The following USH2A variants were observed in gnomAD, a reference collection of about 807,000 sequenced individuals.
USH2A encodes Usher syndrome 2A (autosomal recessive, mild).
In USH2A, 443 loss-of-function variants were observed where a neutral mutation model predicts 538.9. The observed-to-expected ratio is 0.82, with a 90% CI of 0.76 to 0.89. The LOEUF is 0.89. Among genes scored for constraint, USH2A ranks in the 40% least tolerant of loss-of-function variants. USH2A has a pLI of 0.00. For synonymous variants in USH2A, 2,413 were observed against 2,273.5 expected (o/e 1.06, Z -1.75); for missense variants, 6,633 against 6,324.8 (o/e 1.05, Z -1.65).
At chr1:215,778,623 C>G (rs1385590807) in intron 55 of USH2A, among the ~76,000 whole-genome samples, 1 of 152,172 alleles carries the variant, frequency 6.6e-6, no homozygotes, top group Admixed American at 6.5e-5. Flanking sequence ...CTGCACTTTT[C>G]TGTGAGTTTC....
intron 37 of USH2A, among the ~76,000 whole-genome samples, chr1:215,954,342 A>G (rs1383910318): frequency 6.6e-6 from 1 of 152,152 alleles, no homozygotes; most frequent in African/African-American, 2.4e-5. Flanking sequence ...AGACTGGATT[A>G]AGAAAGTGTG....
chr1:216,308,204 G>A (rs974409528), intron 9 of USH2A, among the ~76,000 whole-genome samples: 2 of 152,166 alleles, frequency 1.3e-5, no homozygotes, highest in Non-Finnish European at 2.9e-5. Context: ...ATGATTGTTT[G>A]AGAAGTCTGG....
At chr1:216,364,917 G>C (rs969209976) in intron 4 of USH2A, 36 bp downstream of exon 4, 1 of 1,610,906 alleles carries the variant, frequency 6.2e-7, no homozygotes, top group African/African-American at 1.3e-5. Context: ...AATGTAATTG[G>C]ATGAAATAAA....
chr1:216,149,948 A>T (rs936048638), intron 21 of USH2A, among the ~76,000 whole-genome samples: 14 of 152,114 alleles, frequency 9.2e-5, no homozygotes, highest in African/African-American at 3.4e-4. Context: ...GGAAGTCGCA[A>T]GTACTCTCCC....
intron 21 of USH2A, among the ~76,000 whole-genome samples, chr1:216,107,970 T>C (rs991336565): frequency 6.6e-6 from 1 of 151,932 alleles, no homozygotes; most frequent in Non-Finnish European, 1.5e-5. Context: ...TTTAATTTTA[T>C]ATATGTTGTA....
chr1:216,160,243 T>G (rs756731672), intron 21 of USH2A, among the ~76,000 whole-genome samples: 13 of 152,138 alleles, frequency 8.5e-5, no homozygotes, highest in Non-Finnish European at 7.4e-5. Flanking sequence ...GCTAATTGAT[T>G]GTTAACTATT....
intron 61 of USH2A, among the ~76,000 whole-genome samples, chr1:215,708,589 C>T (rs1659248145): frequency 6.6e-6 from 1 of 152,150 alleles, no homozygotes. Flanking sequence ...CTCAGATCAT[C>T]AGGTATTAGT....
At chr1:216,238,598 C>T (rs941226840) in intron 13 of USH2A, among the ~76,000 whole-genome samples, 1 of 152,158 alleles carries the variant, frequency 6.6e-6, no homozygotes, top group African/African-American at 2.4e-5. Context: ...ACCAATGTGT[C>T]TCTAATGTAC....
intron 35 of USH2A, among the ~76,000 whole-genome samples, chr1:215,979,335 C>T (rs961106999): frequency 3.3e-5 from 5 of 151,966 alleles, no homozygotes; most frequent in African/African-American, 1.2e-4. Flanking sequence ...CCATATCACT[C>T]GATAAAGTCT....
At chr1:216,076,415 C>T (rs1463555276) in intron 27 of USH2A, among the ~76,000 whole-genome samples, 2 of 152,032 alleles carry the variant, frequency 1.3e-5, no homozygotes, top group South Asian at 2.1e-4. Flanking sequence ...CTGTTATTAT[C>T]TTACAATTTT....
At chr1:216,296,035 A>G (rs2037097703) in intron 9 of USH2A, among the ~76,000 whole-genome samples, 1 of 152,032 alleles carries the variant, frequency 6.6e-6, no homozygotes, top group South Asian at 2.1e-4. Context: ...AAGATAAAAC[A>G]TAAGAATGTA....
chr1:216,216,088 A>G (rs897955909), intron 15 of USH2A, among the ~76,000 whole-genome samples: 1 of 152,148 alleles, frequency 6.6e-6, no homozygotes, highest in Non-Finnish European at 1.5e-5. Context: ...ACTCATATCC[A>G]AAAGGAATAT....
chr1:215,988,461 C>T (rs138319351), intron 35 of USH2A, among the ~76,000 whole-genome samples: 4 of 152,212 alleles, frequency 2.6e-5, no homozygotes, highest in African/African-American at 7.2e-5. Context: ...GTTTGCACCT[C>T]GTAGCTACCG....
chr1:215,925,664 C>T (rs1666221832), intron 38 of USH2A, among the ~76,000 whole-genome samples: 1 of 151,926 alleles, frequency 6.6e-6, no homozygotes, highest in African/African-American at 2.4e-5. Context: ...GGGAATATAC[C>T]ATCTTAGCCT....
At chr1:216,343,217 CTAAT>C (rs2038109717) in intron 4 of USH2A, among the ~76,000 whole-genome samples, 1 of 151,662 alleles carries the variant, frequency 6.6e-6, no homozygotes, top group Non-Finnish European at 1.5e-5. Context: ...AGAAAAAATT[CTAAT>C]ATGATATCAA....
chr1:215,753,500 T>G (rs1018550152), intron 58 of USH2A, among the ~76,000 whole-genome samples: 15 of 152,214 alleles, frequency 9.9e-5, no homozygotes, highest in African/African-American at 3.6e-4. Context: ...GATGAGTTCA[T>G]GTCCTTTGTG....
intron 37 of USH2A, among the ~76,000 whole-genome samples, chr1:215,958,658 C>T (rs781343148): frequency 3.3e-5 from 5 of 152,006 alleles, no homozygotes; most frequent in African/African-American, 1.2e-4. Flanking sequence ...CTTTAAGGCA[C>T]CCCACTCCTT....
intron 32 of USH2A, among the ~76,000 whole-genome samples, chr1:216,016,061 G>C (rs567405335): frequency 6.2e-4 from 94 of 152,216 alleles, no homozygotes; most frequent in Non-Finnish European, 1.2e-3. Context: ...GATGAAGCTG[G>C]AAACCATCAT....
chr1:216,114,287 A>C (rs924095605), intron 21 of USH2A, among the ~76,000 whole-genome samples: 4 of 151,358 alleles, frequency 2.6e-5, no homozygotes, highest in Non-Finnish European at 2.9e-5. Flanking sequence ...TTTTAGGTAT[A>C]AACTTATTTT....
Sources: gnomAD v4.1 joint callset for allele counts (sites outside exome capture counted in the v4.1 genomes callset) on GRCh38, gnomAD v4.1.1 for gene constraint, MANE v1.5 for transcripts, NCBI Gene and HGNC (gene_info 2026-07-23, HGNC 2026-07-21) for gene names.